Variants in RIMS2 observed in about 807,000 individuals in gnomAD.
RIMS2 encodes the protein regulating synaptic membrane exocytosis 2.
In RIMS2, 59 loss-of-function variants were observed where a neutral mutation model predicts 174.4. The ratio of observed to expected loss-of-function variants is 0.34; its 90% confidence interval spans 0.27 to 0.42. The LOEUF (loss-of-function observed/expected upper bound fraction) is 0.42, where lower values mean the gene tolerates loss of function less well. Among genes scored for constraint, RIMS2 ranks in the 10% least tolerant of loss-of-function variants. RIMS2 has a pLI of 1.00. For synonymous variants in RIMS2, 606 were observed against 572.5 expected (o/e 1.06, Z -0.84); for missense variants, 1,620 against 1,666.3 (o/e 0.97, Z 0.48).
chr8:103,798,383 A>G (rs1220048631), intron 3 of RIMS2, among the ~76,000 whole-genome samples: 1 of 152,188 alleles, frequency 6.6e-6, no homozygotes, highest in East Asian at 1.9e-4. Flanking sequence ...CTAAATTTTA[A>G]TAAAGGAATT....
chr8:104,244,504 AAAAG>A (rs1165305726), intron 19 of RIMS2, among the ~76,000 whole-genome samples: 4 of 152,198 alleles, frequency 2.6e-5, no homozygotes. Flanking sequence ...TACTATGATT[AAAAG>A]AAAGGGAAAA....
At chr8:103,876,708 C>T (rs1017715728) in intron 3 of RIMS2, among the ~76,000 whole-genome samples, 1 of 150,468 alleles carries the variant, frequency 6.6e-6, no homozygotes, top group African/African-American at 2.4e-5. Flanking sequence ...TTTTCCATTC[C>T]TAAGTTACTT....
chr8:103,572,703 CT>C (rs2132421772), intron 1 of RIMS2, among the ~76,000 whole-genome samples: 1 of 151,892 alleles, frequency 6.6e-6, no homozygotes, highest in African/African-American at 2.4e-5. Flanking sequence ...TGTATGTCTT[CT>C]TTTGAGAAAT....
At chr8:104,068,186 T>C (rs1214360257) in intron 19 of RIMS2, among the ~76,000 whole-genome samples, 1 of 152,238 alleles carries the variant, frequency 6.6e-6, no homozygotes, top group Admixed American at 6.5e-5. Flanking sequence ...ATATTATTAT[T>C]GTCAAATTTC....
chr8:103,609,681 T>C (rs1229660656), intron 1 of RIMS2, among the ~76,000 whole-genome samples: 1 of 152,236 alleles, frequency 6.6e-6, no homozygotes, highest in Non-Finnish European at 1.5e-5. Context: ...GCATTATCTC[T>C]GTTCCATTGG....
At chr8:103,994,990 AATTT>A (rs1204994060) in intron 17 of RIMS2, among the ~76,000 whole-genome samples, 1 of 151,982 alleles carries the variant, frequency 6.6e-6, no homozygotes, top group African/African-American at 2.4e-5. Flanking sequence ...ATTCTTAAGT[AATTT>A]TGGAGAAAAC....
chr8:104,146,781 A>T (rs1356697845), intron 19 of RIMS2, among the ~76,000 whole-genome samples: 1 of 152,118 alleles, frequency 6.6e-6, no homozygotes, highest in East Asian at 1.9e-4. Flanking sequence ...GCTCACTGCA[A>T]TCTCAACATC....
chr8:103,916,497 C>A, exon 8 of RIMS2: 1 of 1,611,668 alleles, frequency 6.2e-7, no homozygotes, highest in Non-Finnish European at 8.5e-7. Context: ...AGAATCCAAA[C>A]CTGAACCACA....
rs1191118510 is a variant in RIMS2 at position 104,145,327 on chromosome 8, T to G, written c.3335-99589T>G. 1.3e-4 allele frequency among the ~76,000 whole-genome samples: 20 copies of G among 152,120 alleles called. 1 individual carries two copies. The highest frequency in any genetic ancestry group is 1.3e-3 in the Admixed American group (20 of 15,252). ...TATCACTGAGATCCCACTAGAAGTG[T>G]TGAAATATACTGTATTTCCAAACCC... is the stretch of plus-strand genomic sequence containing the variant. On this transcript the variant is annotated intron_variant, in intron 19 of 23. Transcript: ENST00000504942.
At chr8:104,227,211 C>T (rs1252142479) in intron 19 of RIMS2, among the ~76,000 whole-genome samples, 23 of 126,708 alleles carry the variant, frequency 1.8e-4, no homozygotes, top group African/African-American at 3.2e-4. Context: ...ACTTGGAGCT[C>T]TTTTTTTTTT....
At position 103,975,600 on chromosome 8, in the gene RIMS2, G is replaced by A. The variant is rs1166520666; in HGVS notation, c.2927+94G>A. 7.5e-6 allele frequency: 6 copies of A among 798,884 alleles called. No individual in the cohort carries two copies. The East Asian group carries it at 1.3e-4, about 18-fold the overall frequency. 49.5% of individuals were successfully genotyped at this position (798,884 alleles called of 1,614,324 possible). A position where few individuals can be genotyped will look rare whatever the true frequency, so the allele number is the denominator to read the frequency against. On this transcript the variant is annotated intron_variant, in intron 16 of 23. Coordinates refer to ENST00000504942, the Ensembl canonical transcript of RIMS2. ...TAATAGGATATATGTATATACGAAA[G>A]GGAGTTTATTAGGGAGAATTGGCTC... is the stretch of plus-strand genomic sequence containing the variant.
intron 3 of RIMS2, among the ~76,000 whole-genome samples, chr8:103,767,597 G>A (rs1344387397): frequency 1.3e-5 from 2 of 152,168 alleles, no homozygotes. Flanking sequence ...TAAGTACAAA[G>A]TCATGCATTC....
Position 103,686,308 on chromosome 8 carries a change from G to A in RIMS2, c.177-10778G>A, listed in dbSNP as rs147093437. 1.7e-4 allele frequency among the ~76,000 whole-genome samples: 26 copies of A among 152,126 alleles called. 1 individual carries two copies. In the East Asian group the frequency reaches 4.4e-3, roughly 26 times the overall value. ...TTCTATTTTCCTTTCTAATCTGTAA[G>A]CTTTTTATTTTCCTTTTCTTTTCTT... is the stretch of plus-strand genomic sequence containing the variant. On this transcript the variant is annotated intron_variant, in intron 1 of 23. Coordinates refer to ENST00000504942, the Ensembl canonical transcript of RIMS2.
chr8:103,622,473 C>T (rs181459586), intron 1 of RIMS2, among the ~76,000 whole-genome samples: 195 of 151,978 alleles, frequency 1.3e-3, no homozygotes, highest in African/African-American at 4.4e-3. Flanking sequence ...TTTATCTTTC[C>T]TGTCTCTATT....
At chr8:104,084,427 G>T (rs2097494799) in intron 19 of RIMS2, among the ~76,000 whole-genome samples, 1 of 107,606 alleles carries the variant, frequency 9.3e-6, no homozygotes. Flanking sequence ...GACTGAGCAA[G>T]ACTCTGTCTC....
chr8:103,948,815 A>G (rs2084486322), intron 14 of RIMS2, among the ~76,000 whole-genome samples: 1 of 152,092 alleles, frequency 6.6e-6, no homozygotes. Context: ...TATTTATGTT[A>G]TATAAATTAT....
intron 14 of RIMS2, among the ~76,000 whole-genome samples, chr8:103,960,040 C>T (rs1230431337): frequency 6.6e-6 from 1 of 151,880 alleles, no homozygotes; most frequent in Non-Finnish European, 1.5e-5. Flanking sequence ...ACAAAAAACC[C>T]GTCAAAAAAT....
At chr8:104,024,545 G>GTTT in intron 19 of RIMS2, among the ~76,000 whole-genome samples, 1 of 151,824 alleles carries the variant, frequency 6.6e-6, no homozygotes, top group Non-Finnish European at 1.5e-5. Context: ...CGGTTTCGTT[G>GTTT]TTGTTGTTGT....
chr8:104,227,197 G>C (rs917726353), intron 19 of RIMS2, among the ~76,000 whole-genome samples: 1 of 134,926 alleles, frequency 7.4e-6, no homozygotes, highest in African/African-American at 2.9e-5. Context: ...AATCGTTTTT[G>C]TATACTTGGA....
Sources: allele counts gnomAD v4.1 joint callset (sites outside exome capture counted in the v4.1 genomes callset), GRCh38; gene constraint gnomAD v4.1.1; transcripts MANE v1.5; gene names NCBI Gene and HGNC (gene_info 2026-07-23, HGNC 2026-07-21).